The following GRM8 variants were observed in gnomAD, a reference collection of about 807,000 sequenced individuals.
GRM8 encodes glutamate metabotropic receptor 8, also known as metabotropic glutamate receptor 8.
A neutral mutation model predicts 87.2 loss-of-function variants in GRM8; 47 were observed. The ratio of observed to expected loss-of-function variants is 0.54; its 90% CI spans 0.43 to 0.69. The LOEUF is 0.69. Among genes scored for constraint, GRM8 ranks in the 30% least tolerant of loss-of-function variants. The pLI, the probability that GRM8 is intolerant of heterozygous loss-of-function variation, is 0.00. For missense variants in GRM8, 1,019 were observed against 1,139.2 expected, an observed-to-expected ratio of 0.89 and a Z score of 1.52; for synonymous variants, 396 against 404.5, an observed-to-expected ratio of 0.98 and a Z score of 0.25.
intron 9 of GRM8, among the ~76,000 whole-genome samples, chr7:126,471,036 T>C (rs1805137826): frequency 6.6e-6 from 1 of 152,078 alleles, no homozygotes; most frequent in Non-Finnish European, 1.5e-5. Flanking sequence ...TTTGATGGGG[T>C]TGTTTGTTTT....
At chr7:126,781,975 C>A (rs1820124828) in intron 6 of GRM8, among the ~76,000 whole-genome samples, 2 of 152,128 alleles carry the variant, frequency 1.3e-5, no homozygotes, top group African/African-American at 4.8e-5. Flanking sequence ...CTTGGCCTCT[C>A]AGTGTTGGAA....
At chr7:126,905,739 A>G (rs1243488485) in intron 3 of GRM8, among the ~76,000 whole-genome samples, 1 of 152,192 alleles carries the variant, frequency 6.6e-6, no homozygotes, top group Non-Finnish European at 1.5e-5. Context: ...TGAATAAGTT[A>G]CCATGGAATA....
intron 2 of GRM8, among the ~76,000 whole-genome samples, chr7:127,147,452 T>A (rs1587134567): frequency 1.3e-5 from 2 of 152,056 alleles, no homozygotes; most frequent in Non-Finnish European, 2.9e-5. Flanking sequence ...CTTGGCTGGG[T>A]ACTTCTCTGC....
chr7:126,526,302 A>G (rs1813821046), intron 9 of GRM8, among the ~76,000 whole-genome samples: 1 of 152,352 alleles, frequency 6.6e-6, no homozygotes, highest in South Asian at 2.1e-4. Flanking sequence ...GCATTTTAAC[A>G]TAAAGTCATG....
At chr7:126,646,370 C>T (rs920755299) in intron 7 of GRM8, among the ~76,000 whole-genome samples, 2 of 152,050 alleles carry the variant, frequency 1.3e-5, no homozygotes, top group African/African-American at 2.4e-5. Flanking sequence ...TCTTCAGCTA[C>T]CACCGTATCT....
chr7:126,745,187 GA>G (rs1230383946), intron 7 of GRM8, among the ~76,000 whole-genome samples: 8 of 151,122 alleles, frequency 5.3e-5, no homozygotes, highest in East Asian at 3.9e-4. Context: ...CAATTTAATA[GA>G]AAAAAAAGAT....
chr7:127,078,317 C>A lies in GRM8; in HGVS notation c.727+28179G>T, dbSNP rs536758653. Among the ~76,000 whole-genome samples, 7 of 152,314 alleles carry A rather than the reference C, an allele frequency of 4.6e-5. No individual in the cohort carries two copies. In the South Asian group the frequency reaches 1.5e-3, roughly 32 times the overall value. ...CACCACCGTCCTACCATCCGTCTAC[C>A]TTGTTAGACCATAGCCGCTTAGCAG... On this transcript the variant is annotated intron_variant, in intron 3 of 10. Coordinates refer to ENST00000339582, the MANE Select transcript of GRM8 (RefSeq NM_000845.3).
intron 2 of GRM8, among the ~76,000 whole-genome samples, chr7:127,220,790 G>A (rs1383575231): frequency 6.6e-5 from 10 of 152,248 alleles, no homozygotes; most frequent in Admixed American, 2.0e-4. Flanking sequence ...TGCCCCAGCC[G>A]CTGAACATAT....
chr7:126,939,179 G>A (rs181337503), intron 3 of GRM8, among the ~76,000 whole-genome samples: 334 of 152,242 alleles, frequency 2.2e-3, no homozygotes, highest in Admixed American at 3.7e-3. Flanking sequence ...AGTGCCTTGA[G>A]TTTTAATGAA....
At chr7:126,919,333 G>C (rs1361971) in intron 3 of GRM8, among the ~76,000 whole-genome samples, 1 of 152,128 alleles carries the variant, frequency 6.6e-6, no homozygotes, top group Non-Finnish European at 1.5e-5. Context: ...CCACATAGCT[G>C]CCTCCCATGA....
intron 9 of GRM8, among the ~76,000 whole-genome samples, chr7:126,449,974 G>C (rs1224897038): frequency 6.6e-6 from 1 of 151,794 alleles, no homozygotes; most frequent in Non-Finnish European, 1.5e-5. Context: ...ACCTGAAGCA[G>C]TCAGATGCCC....
At chr7:127,122,925 A>G (rs1254285838) in intron 2 of GRM8, among the ~76,000 whole-genome samples, 1 of 152,144 alleles carries the variant, frequency 6.6e-6, no homozygotes, top group Non-Finnish European at 1.5e-5. Context: ...ACTAAGGGTA[A>G]GGGGATGAGT....
intron 7 of GRM8, among the ~76,000 whole-genome samples, chr7:126,732,788 A>C (rs886558066): frequency 1.3e-5 from 2 of 152,138 alleles, no homozygotes; most frequent in Admixed American, 6.6e-5. Flanking sequence ...CCTCTGTACC[A>C]AAATTTCAAG....
intron 9 of GRM8, among the ~76,000 whole-genome samples, chr7:126,499,997 CA>C (rs1481752104): frequency 6.6e-6 from 1 of 151,792 alleles, no homozygotes; most frequent in Non-Finnish European, 1.5e-5. Flanking sequence ...TGCGTATATA[CA>C]TATATACGTA....
chr7:126,656,089 T>C (rs993634455), intron 7 of GRM8, among the ~76,000 whole-genome samples: 13 of 152,182 alleles, frequency 8.5e-5, no homozygotes, highest in African/African-American at 2.9e-4. Context: ...TTTCCATTTG[T>C]TGGGGAGGGG....
intron 3 of GRM8, among the ~76,000 whole-genome samples, chr7:127,046,147 G>A (rs10954142): frequency 6.6e-6 from 1 of 151,730 alleles, no homozygotes; most frequent in Non-Finnish European, 1.5e-5. Flanking sequence ...TCAGGTGGGC[G>A]GATCATGAGG....
rs767921842 is a variant in GRM8 at position 127,037,152 on chromosome 7, C to A, written c.727+69344G>T. On this transcript the variant is annotated intron_variant, in intron 3 of 10. Coordinates refer to ENST00000339582, the MANE Select transcript of GRM8 (RefSeq NM_000845.3). Reference sequence around the variant, plus strand: ...ACATGATGGTGAAATGGTTTTTAACCAATGTTTGAATCATAGATCCCTTTG... The same window carrying A: ...ACATGATGGTGAAATGGTTTTTAACAAATGTTTGAATCATAGATCCCTTTG... 3.0e-4 allele frequency among the ~76,000 whole-genome samples: 46 copies of A among 152,002 alleles called. 1 individual carries two copies. The highest frequency in any genetic ancestry group is 1.5e-4 in the Non-Finnish European group (10 of 68,020).
intron 3 of GRM8, among the ~76,000 whole-genome samples, chr7:127,060,549 G>A (rs1196892971): frequency 6.6e-6 from 1 of 152,094 alleles, no homozygotes; most frequent in Non-Finnish European, 1.5e-5. Context: ...GATATATTTA[G>A]TAAATGGAAT....
intron 2 of GRM8, among the ~76,000 whole-genome samples, chr7:127,132,676 C>T (rs920801910): frequency 1.6e-4 from 25 of 152,118 alleles, no homozygotes; most frequent in African/African-American, 5.5e-4. Context: ...ATTTGAAGGA[C>T]AGGAGGGAGC....
Sources: gnomAD v4.1 joint callset for allele counts (sites outside exome capture counted in the v4.1 genomes callset) on GRCh38, gnomAD v4.1.1 for gene constraint, MANE v1.5 for transcripts, NCBI Gene and HGNC (gene_info 2026-07-23, HGNC 2026-07-21) for gene names.